The following KAZN variants were observed in gnomAD, a reference collection of about 807,000 sequenced individuals.
The protein encoded by KAZN is kazrin, periplakin interacting protein, also known as kazrin.
KAZN carries 40 observed loss-of-function variants against 87.4 expected under a neutral mutation model. The ratio of observed to expected loss-of-function variants is 0.46; its 90% CI spans 0.36 to 0.60. The LOEUF is 0.60. KAZN is among the 20% of genes least tolerant of loss of function. The probability of loss-of-function intolerance (pLI) is 0.00; values close to 1 mark genes in which losing one functional copy is unlikely to be tolerated. For synonymous variants in KAZN, 466 were observed against 458.3 expected (o/e 1.02, Z -0.22); for missense variants, 898 against 1,073.9 (o/e 0.84, Z 2.29).
intron 1 of KAZN, among the ~76,000 whole-genome samples, chr1:14,900,827 C>G (rs1326861857): frequency 6.6e-6 from 1 of 151,722 alleles, no homozygotes; most frequent in Admixed American, 6.6e-5. Context: ...CTACTGTGGT[C>G]ACCAGGAGGA....
chr1:14,274,863 G>A (rs1179383177), intron 2 of KAZN, among the ~76,000 whole-genome samples: 4 of 150,880 alleles, frequency 2.7e-5, no homozygotes, highest in Non-Finnish European at 5.9e-5. Flanking sequence ...TTTTTTTTGG[G>A]TCTGTCTTTA....
chr1:14,929,632 G>A (rs886929829), intron 1 of KAZN, among the ~76,000 whole-genome samples: 13 of 152,164 alleles, frequency 8.5e-5, no homozygotes, highest in African/African-American at 2.4e-4. Context: ...AAACCCGGCC[G>A]AAGCCATCGC....
intron 2 of KAZN, among the ~76,000 whole-genome samples, chr1:14,570,688 A>G (rs937870132): frequency 2.0e-5 from 3 of 152,202 alleles, no homozygotes; most frequent in African/African-American, 7.2e-5. Context: ...TGCTGCAGTG[A>G]ATATTCATCG....
In KAZN at chr1:14,087,579, T is replaced by C. The variant is rs535160732; in HGVS notation, c.92-92856T>C. ...TCCACCTTTTCCACTAAGTATAGTGTTAGCTATAGAGTTTTAGATATGTTT... is the reference window on the plus strand; with the variant it reads ...TCCACCTTTTCCACTAAGTATAGTGCTAGCTATAGAGTTTTAGATATGTTT... On this transcript the variant is annotated intron_variant, in intron 1 of 16. Coordinates refer to the KAZN transcript ENST00000636203. Among the ~76,000 whole-genome samples the C allele has an allele frequency of 6.6e-5, 10 of 152,206 alleles. No individual in the cohort carries two copies. The South Asian group carries it at 1.9e-3, about 28-fold the overall frequency.
chr1:14,277,831 T>G (rs1432864495), intron 2 of KAZN, among the ~76,000 whole-genome samples: 1 of 152,148 alleles, frequency 6.6e-6, no homozygotes, highest in South Asian at 2.1e-4. Context: ...ATCATTCTAA[T>G]TTAAAATTTT....
rs1055043635 is a variant in KAZN at position 14,897,810 on chromosome 1, T to G, written c.227-62874T>G. 5.9e-5 allele frequency among the ~76,000 whole-genome samples: 9 copies of G among 152,254 alleles called. No individual in the cohort carries two copies. In the South Asian group the frequency reaches 6.2e-4, roughly 11 times the overall value. On this transcript the variant is annotated intron_variant, in intron 1 of 14. Transcript: ENST00000376030. ...CTGCAGATGTGTGGTTGGAAGAAGC[T>G]GGGACTCACAGACCTCCTGAAAGGC...
intron 1 of KAZN, among the ~76,000 whole-genome samples, chr1:14,917,737 C>A (rs1396000528): frequency 6.6e-6 from 1 of 152,220 alleles, no homozygotes; most frequent in East Asian, 1.9e-4. Flanking sequence ...GTGTCCCCAA[C>A]TCACTGGGTG....
intron 1 of KAZN, among the ~76,000 whole-genome samples, chr1:13,954,542 G>T (rs1380457908): frequency 2.6e-5 from 4 of 152,212 alleles, no homozygotes; most frequent in African/African-American, 7.2e-5. Context: ...TGGCAAAGAA[G>T]ATGGGAAAAT....
Position 14,599,292 on chromosome 1 carries a change from G to T in KAZN, c.226+69G>T. On this transcript the variant is annotated intron_variant, in intron 1 of 14. Coordinates refer to ENST00000376030, the MANE Select transcript of KAZN (RefSeq NM_201628.3). This position sits in a 1 kb window ranked among gnomAD's most constrained non-coding sequence, Gnocchi z 4.4. ...CACGCCCGGCCTCGGAGGTGGCCGG[G>T]GACCCGGGGTCCCCCACACCCGGGG... The T allele has an allele frequency of 7.9e-7, 1 of 1,273,428 alleles. No individual in the cohort carries two copies. The allele number at this position is 1,273,428 out of a possible 1,614,324, so 78.9% of individuals were successfully genotyped here.
chr1:14,136,086 T>G (rs1570832207), intron 1 of KAZN, among the ~76,000 whole-genome samples: 5 of 151,662 alleles, frequency 3.3e-5, no homozygotes, highest in African/African-American at 1.2e-4. Context: ...AAGAGGAGGG[T>G]CTTTGTGGAA....
chr1:14,481,393 A>C (rs553176224), intron 2 of KAZN, among the ~76,000 whole-genome samples: 31 of 151,308 alleles, frequency 2.0e-4, no homozygotes, highest in East Asian at 9.8e-4. Context: ...AGATTATTAT[A>C]AAGTAGCTCA....
intron 2 of KAZN, among the ~76,000 whole-genome samples, chr1:14,396,260 A>G (rs574687205): frequency 6.6e-6 from 1 of 152,216 alleles, no homozygotes; most frequent in South Asian, 2.1e-4. Flanking sequence ...CTTAGAAAAG[A>G]TATCTACAAA....
chr1:14,370,449 C>A (rs1027275530), intron 2 of KAZN, among the ~76,000 whole-genome samples: 38 of 152,310 alleles, frequency 2.5e-4, no homozygotes, highest in Admixed American at 2.3e-3. Context: ...CCTCCCTTCC[C>A]CCAAGGAACC....
intron 1 of KAZN, among the ~76,000 whole-genome samples, chr1:14,045,586 C>T (rs1642030091): frequency 6.6e-6 from 1 of 152,318 alleles, no homozygotes; most frequent in Non-Finnish European, 1.5e-5. Flanking sequence ...GAATCAGAAT[C>T]CATGTTCCCT....
In KAZN at chr1:14,634,223, C is replaced by T. The variant is rs569002281; in HGVS notation, c.226+35000C>T. On this transcript the variant is annotated intron_variant, in intron 1 of 14. Coordinates refer to ENST00000376030, the MANE Select transcript of KAZN (RefSeq NM_201628.3). ...AAATACCACATTTACACCATATTGG[C>T]ACTTGAACTATTCCTTCCCCAAGAA... is the stretch of plus-strand genomic sequence containing the variant. Among the ~76,000 whole-genome samples the T allele has an allele frequency of 9.7e-4, 148 of 152,258 alleles. 3 individuals carry two copies. The South Asian group carries it at 0.028, about 28-fold the overall frequency.
intron 1 of KAZN, among the ~76,000 whole-genome samples, chr1:13,987,328 T>C (rs944222635): frequency 6.6e-6 from 1 of 151,912 alleles, no homozygotes; most frequent in African/African-American, 2.4e-5. Context: ...CTTGCCCCCC[T>C]ACCCCTCAAC....
intron 2 of KAZN, among the ~76,000 whole-genome samples, chr1:14,382,608 GAT>G (rs1219589284): frequency 1.3e-5 from 2 of 148,422 alleles, no homozygotes; most frequent in African/African-American, 5.0e-5. Context: ...TGAGAATGAT[GAT>G]TTCCAATTTC....
chr1:14,170,558 T>C (rs1490069372), intron 1 of KAZN, among the ~76,000 whole-genome samples: 1 of 152,134 alleles, frequency 6.6e-6, no homozygotes, highest in Non-Finnish European at 1.5e-5. Context: ...ATTTACCAGG[T>C]TAACTGCTTT....
At chr1:15,035,135 T>G (rs1672131412) in intron 3 of KAZN, among the ~76,000 whole-genome samples, 2 of 151,996 alleles carry the variant, frequency 1.3e-5, no homozygotes, top group African/African-American at 4.8e-5. Flanking sequence ...TGGCTCCTTG[T>G]GTGTGTGCCC....
Sources: gnomAD v4.1 joint callset for allele counts (sites outside exome capture counted in the v4.1 genomes callset) on GRCh38, gnomAD v4.1.1 for gene constraint, Gnocchi (gnomAD v3.1) non-coding constraint, MANE v1.5 for transcripts, NCBI Gene and HGNC (gene_info 2026-07-23, HGNC 2026-07-21) for gene names.